The following EML6 variants were observed in gnomAD, a reference collection of about 807,000 sequenced individuals.
The protein encoded by EML6 is EMAP like 6.
Under a neutral mutation model 240.1 loss-of-function variants are expected in EML6, and 154 were observed. The observed-to-expected ratio is 0.64, with a 90% confidence interval of 0.56 to 0.73. The LOEUF (loss-of-function observed/expected upper bound fraction) is 0.73. Among genes scored for constraint, EML6 ranks in the 30% least tolerant of loss-of-function variants. The pLI, the probability that EML6 is intolerant of heterozygous loss-of-function variation, is 0.00. For missense variants in EML6, 2,964 were observed against 2,474.6 expected (o/e 1.20, Z -4.20); for synonymous variants, 1,148 against 899.0 (o/e 1.28, Z -4.95).
intron 24 of EML6, among the ~76,000 whole-genome samples, chr2:54,907,930 AGATAGATAGATAGATAAGATAGAT>A (rs1315448904): frequency 0.034 from 2,134 of 62,958 alleles, 65 homozygotes; most frequent in Admixed American, 0.12. Context: ...ATAGATAGAT[AGATAGATAGATAGATAAGATAGAT>A]AGATAGATAG....
At chr2:54,893,171 T>C (rs1269711072) in intron 19 of EML6, among the ~76,000 whole-genome samples, 1 of 152,180 alleles carries the variant, frequency 6.6e-6, no homozygotes, top group Non-Finnish European at 1.5e-5. Flanking sequence ...TTCAAGCTCA[T>C]CATAATTGCC....
intron 29 of EML6, 126 bp from the exon 30 acceptor site, chr2:54,950,522 AGT>A: frequency 2.0e-6 from 2 of 976,504 alleles, no homozygotes; most frequent in Middle Eastern, 6.0e-4. Context: ...GTTTTCAGTG[AGT>A]GTGTGTTGGC....
chr2:54,797,169 A>AAAAAAAAAAC (rs1669842423), intron 2 of EML6, among the ~76,000 whole-genome samples: 1 of 133,480 alleles, frequency 7.5e-6, no homozygotes, highest in African/African-American at 2.8e-5. Flanking sequence ...CATCTCAAAA[A>AAAAAAAAAAC]AAAAAAAAAA....
At position 54,725,137 on chromosome 2, in the gene EML6, A is replaced by T; in HGVS notation, c.76A>T (p.Asn26Tyr). The T allele has an allele frequency of 6.5e-7, 1 of 1,539,892 alleles. No homozygotes were observed. Among genetic ancestry groups the T allele is most frequent in the South Asian group, 1.2e-5 (1 of 83,594 alleles). Residue 26 changes from asparagine (N) to tyrosine (Y), a missense_variant, in exon 2 of 42, where the codon AAC becomes TAC. Asn to Tyr is a moderately radical substitution (Grantham distance 143). Transcript: ENST00000356458. The surrounding 1 kb of genome is among the most constrained non-coding windows in gnomAD (Gnocchi z 4.3). ...CGGGTACCGGGGTCACCAGTGCCGCAACAACCTGTACTACACGGCAGGCAA... is the reference window on the plus strand; with the variant it reads ...CGGGTACCGGGGTCACCAGTGCCGCTACAACCTGTACTACACGGCAGGCAA... ...VYGYRGHQCR[N>Y]NLYYTAGKEV...
At chr2:54,751,718 A>T (rs982479654) in intron 2 of EML6, among the ~76,000 whole-genome samples, 2 of 152,188 alleles carry the variant, frequency 1.3e-5, no homozygotes, top group African/African-American at 4.8e-5. Context: ...ATGTTGGCAC[A>T]CAGTAGCCTA....
chr2:54,934,111 A>G (rs1675006592), intron 28 of EML6, among the ~76,000 whole-genome samples: 2 of 152,284 alleles, frequency 1.3e-5, no homozygotes, highest in South Asian at 4.1e-4. Flanking sequence ...GTATTATATG[A>G]CTGGATGGTA....
intron 2 of EML6, 98 bp from the exon 3 acceptor site, chr2:54,813,134 A>G: frequency 1.2e-6 from 1 of 840,120 alleles, no homozygotes; most frequent in Non-Finnish European, 1.8e-6. Flanking sequence ...TCTTGAGATC[A>G]CCTTGTTAGA....
At chr2:54,905,221 T>C (rs183586545) in intron 24 of EML6, among the ~76,000 whole-genome samples, 2 of 152,006 alleles carry the variant, frequency 1.3e-5, no homozygotes, top group African/African-American at 4.8e-5. Flanking sequence ...TTCTTTGATA[T>C]TCTCTGCTTT....
chr2:54,735,476 G>A (rs958832904), intron 2 of EML6, among the ~76,000 whole-genome samples: 9 of 152,242 alleles, frequency 5.9e-5, no homozygotes, highest in Non-Finnish European at 1.0e-4. Context: ...GGCATTGAGA[G>A]GCAGGATTCA....
intron 7 of EML6, among the ~76,000 whole-genome samples, chr2:54,833,918 C>G (rs1211506858): frequency 6.6e-6 from 1 of 152,150 alleles, no homozygotes; most frequent in African/African-American, 2.4e-5. Flanking sequence ...TGATATGAGG[C>G]TACTGGGTGT....
intron 28 of EML6, among the ~76,000 whole-genome samples, chr2:54,936,288 C>G (rs951218572): frequency 2.0e-5 from 3 of 152,150 alleles, no homozygotes; most frequent in Non-Finnish European, 4.4e-5. Flanking sequence ...GGGTTATGAT[C>G]TTTTACTGAA....
intron 13 of EML6, 126 bp downstream of exon 13, chr2:54,864,015 G>T (rs1255362348): frequency 3.4e-6 from 2 of 583,648 alleles, no homozygotes; most frequent in African/African-American, 1.9e-5. Context: ...AAGAAAAATA[G>T]TCTACTTTGT....
chr2:54,813,419 T>G, intron 3 of EML6, 28 bp downstream of exon 3: 1 of 1,535,432 alleles, frequency 6.5e-7, no homozygotes, highest in East Asian at 2.4e-5. Context: ...GTTGTTTTAT[T>G]TAATGACTTC....
chr2:54,730,636 C>T (rs7582640), intron 2 of EML6, among the ~76,000 whole-genome samples: 28,807 of 152,072 alleles, frequency 0.19, 2,833 homozygotes, highest in African/African-American at 0.24. Context: ...CTCATTGGAT[C>T]CCACTTACTC....
At chr2:54,916,213 A>AAAT (rs1400379977) in intron 25 of EML6, among the ~76,000 whole-genome samples, 1 of 152,196 alleles carries the variant, frequency 6.6e-6, no homozygotes, top group Non-Finnish European at 1.5e-5. Flanking sequence ...TAACTTTTTA[A>AAAT]AATAATTGGC....
intron 2 of EML6, among the ~76,000 whole-genome samples, chr2:54,778,358 G>C (rs1019854564): frequency 2.0e-5 from 3 of 152,136 alleles, no homozygotes; most frequent in Admixed American, 2.0e-4. Flanking sequence ...AAGAGAGAAG[G>C]GGGAGAGGAG....
At position 54,952,587 on chromosome 2, in the gene EML6, C is replaced by T. The variant is rs368511771; in HGVS notation, c.4214-7C>T. The T allele has an allele frequency of 1.5e-5, 23 of 1,544,566 alleles. No homozygotes were observed. Among genetic ancestry groups the T allele is most frequent in the Non-Finnish European group, 1.8e-5 (20 of 1,141,216 alleles). ...CTGTTCACCCTCCCATGATCTCTCTCCCCCAGGGAGCCAGAGCTTCTATCT... is the reference window on the plus strand; with the variant it reads ...CTGTTCACCCTCCCATGATCTCTCTTCCCCAGGGAGCCAGAGCTTCTATCT... On this transcript the variant is annotated splice_polypyrimidine_tract_variant and splice_region_variant and intron_variant, in intron 30 of 41. Coordinates refer to ENST00000356458, the MANE Select transcript of EML6 (RefSeq NM_001039753.4).
chr2:54,928,837 A>G, intron 28 of EML6, 86 bp downstream of exon 28: 1 of 1,474,288 alleles, frequency 6.8e-7, no homozygotes. Flanking sequence ...TTTGCCCTCA[A>G]AGTTGCTGTT....
At chr2:54,921,194 C>T (rs1055918108) in intron 26 of EML6, among the ~76,000 whole-genome samples, 2 of 151,974 alleles carry the variant, frequency 1.3e-5, no homozygotes, top group African/African-American at 4.8e-5. Context: ...ACAACATGAT[C>T]TTATATATAG....
Sources: gnomAD v4.1 joint callset for allele counts (sites outside exome capture counted in the v4.1 genomes callset) on GRCh38, gnomAD v4.1.1 for gene constraint, Gnocchi (gnomAD v3.1) non-coding constraint, MANE v1.5 for transcripts, NCBI Gene and HGNC (gene_info 2026-07-23, HGNC 2026-07-21) for gene names.